The following STRADA variants were observed in gnomAD, a reference collection of about 807,000 sequenced individuals.
STRADA encodes the protein STE20-related kinase adapter protein alpha.
Under a neutral mutation model 55.0 loss-of-function variants are expected in STRADA, and 26 were observed. That is an observed-to-expected ratio of 0.47 (90% CI 0.35 to 0.66). The LOEUF is 0.66. STRADA is among the 30% of genes least tolerant of loss of function. The pLI is 0.01. For missense variants in STRADA, 443 were observed against 549.7 expected, an observed-to-expected ratio of 0.81 and a Z score of 1.94; for synonymous variants, 197 against 210.9, an observed-to-expected ratio of 0.93 and a Z score of 0.57.
chr17:63,713,471 C>T lies in STRADA; in HGVS notation c.283G>A (p.Glu95Lys), dbSNP rs566614762. The T allele has an allele frequency of 6.2e-7, 1 of 1,614,182 alleles. No homozygotes were observed. Among genetic ancestry groups the T allele is most frequent in the African/African-American group, 1.3e-5 (1 of 75,046 alleles). ...TTAATCCTCCGTACAGTCACGTACT[C>T]TCCTGTTGGTTTGTACCTTGCTAGA... ...VNLARYKPTG[E>K]YVTVRRINLE... The change falls in exon 6 of 13, where the codon GAG becomes AAG. Residue 95 changes from glutamate to lysine, a missense_variant. Glu to Lys is a moderately conservative substitution (Grantham distance 56). Transcript: ENST00000336174.
Position 63,707,197 on chromosome 17 carries a change from T to C in STRADA, c.753+50A>G, listed in dbSNP as rs943176283. 1.9e-6 allele frequency: 3 copies of C among 1,603,098 alleles called. No homozygotes were observed. The African/African-American group carries it at 4.0e-5, about 21-fold the overall frequency. ...CTCCAGGCAATGCCTGAAGGCTCCC[T>C]TGGGAATCATGAGTTGGGTAGGGGA... On this transcript the variant is annotated intron_variant, in intron 9 of 12. Transcript: ENST00000336174.
intron 4 of STRADA, chr17:63,715,477 T>C (rs1294207279): frequency 1.3e-5 from 2 of 152,242 alleles, no homozygotes; most frequent in African/African-American, 2.4e-5. Context: ...TTTTAAGATA[T>C]GGGTTATCTC....
chr17:63,712,235 A>T (rs6504175), intron 6 of STRADA, among the ~76,000 whole-genome samples: 1 of 152,274 alleles, frequency 6.6e-6, no homozygotes, highest in Non-Finnish European at 1.5e-5. Context: ...GTTTTGTTTT[A>T]TTTTTTGAGC....
intron 4 of STRADA, chr17:63,717,114 C>T (rs2143976759): frequency 6.6e-6 from 1 of 152,310 alleles, no homozygotes; most frequent in Admixed American, 6.5e-5. Context: ...GAATCCTATT[C>T]TCCTCCTCCT....
intron 3 of STRADA, chr17:63,723,538 T>C: frequency 3.5e-6 from 2 of 576,558 alleles, no homozygotes; most frequent in Non-Finnish European, 6.2e-6. Context: ...CATGGATCTA[T>C]GGTTCTTCAA....
intron 1 of STRADA, among the ~76,000 whole-genome samples, chr17:63,740,564 T>C (rs2038867532): frequency 6.6e-6 from 1 of 151,928 alleles, no homozygotes; most frequent in African/African-American, 2.4e-5. Flanking sequence ...CAGCAAACAT[T>C]TATGGCAAAC....
chr17:63,720,301 G>T (rs2144038258), intron 4 of STRADA, among the ~76,000 whole-genome samples: 1 of 151,752 alleles, frequency 6.6e-6, no homozygotes, highest in East Asian at 2.0e-4. Flanking sequence ...CATCTTCCTG[G>T]GTAGCTAGGA....
chr17:63,738,167 G>T (rs931131122), intron 1 of STRADA, among the ~76,000 whole-genome samples: 4 of 150,806 alleles, frequency 2.7e-5, no homozygotes, highest in Non-Finnish European at 5.9e-5. Flanking sequence ...ATAGTGAAAC[G>T]CCGTCTCTAC....
intron 6 of STRADA, among the ~76,000 whole-genome samples, chr17:63,712,225 G>GT (rs1268922824): frequency 6.6e-6 from 1 of 152,102 alleles, no homozygotes; most frequent in Non-Finnish European, 1.5e-5. Flanking sequence ...TCTCCGTTTT[G>GT]TTTTGTTTTA....
chr17:63,714,498 G>T, intron 4 of STRADA: 1 of 294,422 alleles, frequency 3.4e-6, no homozygotes. Flanking sequence ...ATTTCCTGAT[G>T]CATTAGGATC....
intron 10 of STRADA, chr17:63,704,893 C>T: frequency 6.5e-7 from 1 of 1,536,154 alleles, no homozygotes; most frequent in East Asian, 2.4e-5. Context: ...ATTCCTTTTA[C>T]CGTAGAGTCT....
At chr17:63,724,443 TACC>T (rs1037853986) in intron 3 of STRADA, among the ~76,000 whole-genome samples, 1 of 139,462 alleles carries the variant, frequency 7.2e-6, no homozygotes, top group Non-Finnish European at 1.6e-5. Flanking sequence ...GCGCCTGGCC[TACC>T]TTTTTTTTTT....
intron 4 of STRADA, 157 bp from the exon 5 acceptor site, chr17:63,714,265 T>C (rs1165000612): frequency 1.6e-6 from 1 of 637,582 alleles, no homozygotes; most frequent in Admixed American, 2.1e-5. Context: ...AACAAAACAC[T>C]ACATTCAGGG....
intron 1 of STRADA, among the ~76,000 whole-genome samples, chr17:63,735,365 C>T (rs918756000): frequency 1.5e-4 from 23 of 152,266 alleles, no homozygotes; most frequent in Middle Eastern, 3.4e-3. Context: ...TCTGTGTTAA[C>T]TTGATCAGCA....
At position 63,719,646 on chromosome 17, in the gene STRADA, G is replaced by T. The variant is rs529607313; in HGVS notation, c.123+3652C>A. On this transcript the variant is annotated intron_variant, in intron 4 of 12. Transcript: ENST00000336174. Reference sequence around the variant, plus strand: ...TTACAGGTGCGTGCTACCATGCCCGGCTAATTTTTGCATTTTTAGTAGAGA... The same window carrying T: ...TTACAGGTGCGTGCTACCATGCCCGTCTAATTTTTGCATTTTTAGTAGAGA... Among the ~76,000 whole-genome samples, 6 of 152,222 alleles carry T rather than the reference G, an allele frequency of 3.9e-5. No individual in the cohort carries two copies. The East Asian group carries it at 1.2e-3, about 29-fold the overall frequency.
intron 1 of STRADA, among the ~76,000 whole-genome samples, chr17:63,739,280 C>G (rs1348759612): frequency 1.3e-5 from 2 of 151,736 alleles, no homozygotes; most frequent in African/African-American, 4.8e-5. Context: ...TAAAATCTTA[C>G]TAATAAATTT....
chr17:63,735,857 C>T (rs778579952), intron 1 of STRADA, among the ~76,000 whole-genome samples: 2 of 152,170 alleles, frequency 1.3e-5, no homozygotes, highest in Non-Finnish European at 2.9e-5. Flanking sequence ...AGAAGTGGGG[C>T]TGAAAACAAG....
At chr17:63,722,509 A>C (rs914038829) in intron 4 of STRADA, among the ~76,000 whole-genome samples, 1 of 152,248 alleles carries the variant, frequency 6.6e-6, no homozygotes, top group Non-Finnish European at 1.5e-5. Context: ...GATCTGATAG[A>C]GAGGTGCTCC....
chr17:63,729,810 C>CA lies in STRADA; in HGVS notation c.-44-1398dup, dbSNP rs111583450. On this transcript the variant is annotated intron_variant, in intron 1 of 12. Coordinates refer to ENST00000336174, the MANE Select transcript of STRADA (RefSeq NM_001003787.4). The stretch of plus-strand genomic sequence containing the variant: ...TCTCAAAACAAACCAAAAAAAACAA[C>CA]AAAAAAAAAACCATGTCTCTTTTCC... 1.4e-4 allele frequency among the ~76,000 whole-genome samples: 21 copies of CA among 147,574 alleles called. No individual in the cohort carries two copies. The East Asian group carries it at 2.6e-3, about 18-fold the overall frequency.
Sources: gnomAD v4.1 joint callset for allele counts (sites outside exome capture counted in the v4.1 genomes callset) on GRCh38, gnomAD v4.1.1 for gene constraint, MANE v1.5 for transcripts, NCBI Gene and HGNC (gene_info 2026-07-23, HGNC 2026-07-21) for gene names.